The following USH2A variants were observed in gnomAD, a reference collection of about 807,000 sequenced individuals.
The protein encoded by USH2A is Usher syndrome 2A (autosomal recessive, mild).
A neutral mutation model predicts 538.9 loss-of-function variants in USH2A; 443 were observed. That is an observed-to-expected ratio of 0.82 (90% CI 0.76 to 0.89). The LOEUF (loss-of-function observed/expected upper bound fraction) is 0.89. Ranked by LOEUF, USH2A falls within the 40% of genes least tolerant of loss-of-function variation. USH2A has a pLI of 0.00. For missense variants in USH2A, 6,633 were observed against 6,324.8 expected, an observed-to-expected ratio of 1.05 and a Z score of -1.65; for synonymous variants, 2,413 against 2,273.5, an observed-to-expected ratio of 1.06 and a Z score of -1.75.
intron 61 of USH2A, among the ~76,000 whole-genome samples, chr1:215,721,127 T>G (rs1271048096): frequency 6.6e-6 from 1 of 152,132 alleles, no homozygotes; most frequent in African/African-American, 2.4e-5. Context: ...CAGGCTGGAA[T>G]GCAATGGTGC....
chr1:216,081,839 T>A (rs2031954830), intron 26 of USH2A, among the ~76,000 whole-genome samples: 1 of 152,030 alleles, frequency 6.6e-6, no homozygotes, highest in African/African-American at 2.4e-5. Context: ...GCTACCCTCC[T>A]ATAATCCCAG....
At chr1:216,409,935 G>C (rs1249142976) in intron 3 of USH2A, among the ~76,000 whole-genome samples, 1 of 152,088 alleles carries the variant, frequency 6.6e-6, no homozygotes, top group Admixed American at 6.6e-5. Flanking sequence ...ATAACCTATA[G>C]AGTGAGAGAA....
chr1:216,241,856 C>T lies in USH2A; in HGVS notation c.2809+4729G>A, dbSNP rs573830315. Among the ~76,000 whole-genome samples the T allele has an allele frequency of 1.8e-4, 28 of 152,174 alleles. 1 individual carries two copies. In the South Asian group the frequency reaches 3.7e-3, roughly 20 times the overall value. The stretch of plus-strand genomic sequence containing the variant: ...CATTAGGAGAATAACTTCTTAGTCA[C>T]GATTTGCCTAAGTACAGACGCAACA... On this transcript the variant is annotated intron_variant, in intron 13 of 71. Coordinates refer to ENST00000307340, the MANE Select transcript of USH2A (RefSeq NM_206933.4).
At chr1:216,306,332 C>G (rs183985638) in intron 9 of USH2A, among the ~76,000 whole-genome samples, 328 of 151,634 alleles carry the variant, frequency 2.2e-3, no homozygotes, top group African/African-American at 7.4e-3. Context: ...TTGCATTTTT[C>G]TAAGTGTGTC....
In USH2A at chr1:215,888,783, C is replaced by A. The variant is rs1158076195; in HGVS notation, c.7866G>T (p.Gly2622=). Residue 2622 remains glycine, a synonymous_variant, in exon 41 of 72, where the codon GGG becomes GGT. Transcript: ENST00000307340. ...CTGGACTTGGGATCCCTTCCGGTGCCCCTGGGAGTGTCCATACAGTCTGGG... is the reference window on the plus strand; with the variant it reads ...CTGGACTTGGGATCCCTTCCGGTGCACCTGGGAGTGTCCATACAGTCTGGG... ...PESQTVWTLP[G]APEGIPSPEL... 1.9e-6 allele frequency: 3 copies of A among 1,614,000 alleles called. No individual in the cohort carries two copies. Among genetic ancestry groups the A allele is most frequent in the Non-Finnish European group, 2.5e-6 (3 of 1,179,988 alleles).
At chr1:216,159,537 T>C (rs992197924) in intron 21 of USH2A, among the ~76,000 whole-genome samples, 2 of 146,834 alleles carry the variant, frequency 1.4e-5, no homozygotes, top group Non-Finnish European at 3.0e-5. Context: ...TTTATTTATG[T>C]ACACACACAC....
At chr1:216,139,086 A>G (rs922010863) in intron 21 of USH2A, among the ~76,000 whole-genome samples, 2 of 151,954 alleles carry the variant, frequency 1.3e-5, no homozygotes, top group Non-Finnish European at 2.9e-5. Flanking sequence ...ACTTATTTAC[A>G]TTCTTTCAAT....
In USH2A at chr1:215,786,730, T is replaced by C; in HGVS notation, c.10327A>G (p.Met3443Val). ...NSTGKASIEE[M>V]CSSAEETIHT... ...ATGGTTTCTTCGGCAGATGAACACA[T>C]TTCTTCAATTGATGCCTTCCCTGTG... Residue 3443 changes from methionine (M) to valine (V), a missense_variant, in exon 52 of 72, where the codon ATG (methionine) becomes GTG (valine). Physicochemically the swap from Met to Val is conservative, Grantham distance 21. Coordinates refer to ENST00000307340, the MANE Select transcript of USH2A (RefSeq NM_206933.4). 1 of 1,614,034 alleles carries C rather than the reference T, an allele frequency of 6.2e-7. No individual in the cohort carries two copies. Among genetic ancestry groups the C allele is most frequent in the East Asian group, 2.2e-5 (1 of 44,876 alleles).
chr1:216,219,156 G>A (rs927199355), intron 14 of USH2A, among the ~76,000 whole-genome samples: 4 of 151,872 alleles, frequency 2.6e-5, no homozygotes, highest in Non-Finnish European at 5.9e-5. Context: ...ACATAATTCC[G>A]TTCCTTGATG....
intron 38 of USH2A, among the ~76,000 whole-genome samples, chr1:215,916,193 T>C (rs993122912): frequency 2.6e-5 from 4 of 151,164 alleles, no homozygotes; most frequent in Admixed American, 2.0e-4. Context: ...ATAATAATAA[T>C]AAAATAAAAA....
chr1:216,251,163 G>C (rs1298366237), intron 11 of USH2A, 65 bp from the exon 12 acceptor site: 1 of 1,544,094 alleles, frequency 6.5e-7, no homozygotes. Context: ...TTGCTCATTA[G>C]GTACAAGACA....
At chr1:216,363,765 CAT>C (rs1218092070) in intron 4 of USH2A, among the ~76,000 whole-genome samples, 3 of 151,568 alleles carry the variant, frequency 2.0e-5, no homozygotes, top group African/African-American at 7.3e-5. Context: ...TAAATGAGAA[CAT>C]ATATCTAAAT....
chr1:216,024,779 G>A (rs1668925143), intron 32 of USH2A, among the ~76,000 whole-genome samples: 3 of 151,976 alleles, frequency 2.0e-5, no homozygotes, highest in South Asian at 2.1e-4. Flanking sequence ...TCAGGTATCT[G>A]TTTTGAATTA....
At chr1:215,778,940 C>T (rs576159878) in intron 55 of USH2A, among the ~76,000 whole-genome samples, 1 of 152,326 alleles carries the variant, frequency 6.6e-6, no homozygotes, top group South Asian at 2.1e-4. Flanking sequence ...GTGCTTAGGA[C>T]AGCGTCTGGC....
At chr1:215,812,392 T>C (rs1465719692) in intron 49 of USH2A, among the ~76,000 whole-genome samples, 2 of 152,160 alleles carry the variant, frequency 1.3e-5, no homozygotes, top group African/African-American at 4.8e-5. Flanking sequence ...AATACCACTG[T>C]TTTGGTAAAT....
chr1:215,736,333 T>C (rs947413612), intron 60 of USH2A, among the ~76,000 whole-genome samples: 6 of 152,132 alleles, frequency 3.9e-5, no homozygotes, highest in Non-Finnish European at 8.8e-5. Flanking sequence ...ACTTATCATG[T>C]CTTCACCATC....
intron 21 of USH2A, among the ~76,000 whole-genome samples, chr1:216,097,433 A>G (rs2032467012): frequency 6.6e-6 from 1 of 152,174 alleles, no homozygotes; most frequent in South Asian, 2.1e-4. Context: ...CCTGCTAATC[A>G]ATATATAATG....
chr1:215,804,437 A>G (rs1662433530), intron 49 of USH2A, among the ~76,000 whole-genome samples: 1 of 152,034 alleles, frequency 6.6e-6, no homozygotes, highest in South Asian at 2.1e-4. Flanking sequence ...CAAATTTACA[A>G]GAAAAAACAA....
At chr1:216,185,657 GA>G (rs1232060391) in intron 20 of USH2A, among the ~76,000 whole-genome samples, 1 of 151,804 alleles carries the variant, frequency 6.6e-6, no homozygotes, top group Non-Finnish European at 1.5e-5. Flanking sequence ...GTTAATAGTA[GA>G]AAAAACAGAG....
Sources: gnomAD v4.1 joint callset for allele counts (sites outside exome capture counted in the v4.1 genomes callset) on GRCh38, gnomAD v4.1.1 for gene constraint, MANE v1.5 for transcripts, NCBI Gene and HGNC (gene_info 2026-07-23, HGNC 2026-07-21) for gene names.